DUSP16: variants seen among roughly 807,000 people sequenced by gnomAD.
DUSP16 encodes dual specificity phosphatase 16.
In DUSP16, 21 loss-of-function variants were observed where a neutral mutation model predicts 58.3. The ratio of observed to expected loss-of-function variants is 0.36; its 90% CI spans 0.26 to 0.52. DUSP16 has a LOEUF of 0.52. DUSP16 is among the 20% of genes least tolerant of loss of function. The pLI is 0.94. For missense variants in DUSP16, 726 were observed against 819.0 expected, an observed-to-expected ratio of 0.89 and a Z score of 1.39; for synonymous variants, 320 against 323.8, an observed-to-expected ratio of 0.99 and a Z score of 0.12.
chr12:12,528,636 A>G (rs1944338425), intron 1 of DUSP16, among the ~76,000 whole-genome samples: 1 of 152,340 alleles, frequency 6.6e-6, no homozygotes, highest in East Asian at 1.9e-4. Flanking sequence ...AATATGTGCC[A>G]GGCACTGTGA....
intron 4 of DUSP16, among the ~76,000 whole-genome samples, chr12:12,493,903 C>CA (rs1033851377): frequency 1.4e-4 from 22 of 152,264 alleles, no homozygotes; most frequent in African/African-American, 5.1e-4. Flanking sequence ...ATTATGCTTC[C>CA]TATCAAGTTT....
chr12:12,520,141 T>C, intron 2 of DUSP16, 141 bp from the exon 3 acceptor site: 1 of 897,150 alleles, frequency 1.1e-6, no homozygotes, highest in Non-Finnish European at 1.7e-6. Flanking sequence ...AAATGAGATG[T>C]AGTCAATTTA....
Position 12,531,761 on chromosome 12 carries a change from C to T in DUSP16, c.-365-10298G>A, listed in dbSNP as rs532347661. The stretch of plus-strand genomic sequence containing the variant: ...TGGCATGGGCCTGTAATCCCGGCTA[C>T]TCGGGAGGCTGAGGCAGGAGAATCG... On this transcript the variant is annotated intron_variant, in intron 1 of 6. Transcript: ENST00000298573. Among the ~76,000 whole-genome samples, 4 of 152,166 alleles carry T rather than the reference C, an allele frequency of 2.6e-5. No homozygotes were observed. In the East Asian group the frequency reaches 7.7e-4, roughly 29 times the overall value.
intron 1 of DUSP16, among the ~76,000 whole-genome samples, chr12:12,556,991 T>C (rs1284663084): frequency 6.6e-6 from 1 of 152,170 alleles, no homozygotes; most frequent in Non-Finnish European, 1.5e-5. Flanking sequence ...TATGACACTA[T>C]GGTGATTATT....
chr12:12,498,782 GAATAAA>G (rs1206319180), intron 4 of DUSP16, among the ~76,000 whole-genome samples: 2 of 152,108 alleles, frequency 1.3e-5, no homozygotes, highest in Non-Finnish European at 2.9e-5. Context: ...CATCCTTGCA[GAATAAA>G]AATAAAAGTC....
chr12:12,540,396 C>A (rs1308146091), intron 1 of DUSP16, among the ~76,000 whole-genome samples: 1 of 152,086 alleles, frequency 6.6e-6, no homozygotes, highest in South Asian at 2.1e-4. Context: ...CAGGAGTTTT[C>A]GTAACATATT....
rs555317556 is a variant in DUSP16, at chr12:12,473,347, G to A, written c.*3486C>T. On this transcript the variant is annotated 3_prime_UTR_variant, in exon 7 of 7. Coordinates refer to ENST00000298573, the MANE Select transcript of DUSP16 (RefSeq NM_030640.3). Reference sequence around the variant, plus strand: ...AGTCCTCCAACAATAGCCTGCTGAGGCTGGTCATGAAGGGGCTCCGAGCAC... The same window carrying A: ...AGTCCTCCAACAATAGCCTGCTGAGACTGGTCATGAAGGGGCTCCGAGCAC... 6.6e-6 allele frequency among the ~76,000 whole-genome samples: 1 copy of A among 152,266 alleles called. No homozygotes were observed. The highest frequency in any genetic ancestry group is 2.1e-4 in the South Asian group (1 of 4,830).
rs145556584 is a variant in DUSP16, at chr12:12,513,506, G to A, written c.367+6356C>T. Among the ~76,000 whole-genome samples, 579 of 152,266 alleles carry A rather than the reference G, an allele frequency of 3.8e-3. 2 individuals are homozygous for A. Among genetic ancestry groups the A allele is most frequent in the Non-Finnish European group, 5.7e-3 (390 of 68,034 alleles). On this transcript the variant is annotated intron_variant, in intron 3 of 6. Coordinates refer to ENST00000298573, the MANE Select transcript of DUSP16 (RefSeq NM_030640.3). The stretch of plus-strand genomic sequence containing the variant: ...GACTCTGGAATTACTTGTGGATGTG[G>A]GCCTTGGGCAGCAAGAGCTTGGGAG...
At chr12:12,550,670 T>A (rs934126274) in intron 1 of DUSP16, among the ~76,000 whole-genome samples, 3 of 152,002 alleles carry the variant, frequency 2.0e-5, no homozygotes, top group Non-Finnish European at 4.4e-5. Flanking sequence ...TGAGAACACA[T>A]GGACACTGGG....
intron 4 of DUSP16, among the ~76,000 whole-genome samples, chr12:12,488,534 A>G (rs1371181647): frequency 6.6e-6 from 1 of 152,172 alleles, no homozygotes; most frequent in African/African-American, 2.4e-5. Context: ...AAGCCCACAC[A>G]AACCCGCTTC....
chr12:12,478,308 G>C (rs1198334396), intron 6 of DUSP16, among the ~76,000 whole-genome samples: 3 of 151,650 alleles, frequency 2.0e-5, no homozygotes, highest in African/African-American at 7.3e-5. Flanking sequence ...GCTGATAAGA[G>C]ATGGTATGGG....
At chr12:12,550,948 A>G (rs913687902) in intron 1 of DUSP16, among the ~76,000 whole-genome samples, 2 of 152,172 alleles carry the variant, frequency 1.3e-5, no homozygotes, top group East Asian at 3.8e-4. Flanking sequence ...AAAAGGTATT[A>G]ATTTTTAAAA....
intron 1 of DUSP16, among the ~76,000 whole-genome samples, chr12:12,561,390 T>C (rs1944900622): frequency 6.6e-6 from 1 of 152,230 alleles, no homozygotes; most frequent in African/African-American, 2.4e-5. Context: ...TCATTATTGG[T>C]ATTCTTTAGG....
At chr12:12,541,227 G>C (rs1011843886) in intron 1 of DUSP16, among the ~76,000 whole-genome samples, 1 of 151,952 alleles carries the variant, frequency 6.6e-6, no homozygotes, top group Non-Finnish European at 1.5e-5. Context: ...CCAAAGTCCT[G>C]GGATTATGGG....
chr12:12,544,442 G>A (rs1213411271), intron 1 of DUSP16, among the ~76,000 whole-genome samples: 1 of 152,134 alleles, frequency 6.6e-6, no homozygotes, highest in Non-Finnish European at 1.5e-5. Flanking sequence ...GTCTTTTGGT[G>A]AGCATAAGTA....
chr12:12,561,671 A>T (rs1944905917), intron 1 of DUSP16, among the ~76,000 whole-genome samples: 1 of 152,194 alleles, frequency 6.6e-6, no homozygotes, highest in Non-Finnish European at 1.5e-5. Flanking sequence ...GATAATGGGA[A>T]CAGTCAGGCC....
chr12:12,553,694 C>T (rs952395737), intron 1 of DUSP16, among the ~76,000 whole-genome samples: 8 of 152,086 alleles, frequency 5.3e-5, no homozygotes, highest in Non-Finnish European at 8.8e-5. Context: ...AGGTGTGCAC[C>T]ATCACACCCA....
intron 3 of DUSP16, among the ~76,000 whole-genome samples, chr12:12,505,483 G>A (rs1403046043): frequency 6.6e-6 from 1 of 152,226 alleles, no homozygotes; most frequent in African/African-American, 2.4e-5. Context: ...CAGATGAACT[G>A]GTTGAAATGT....
Position 12,541,807 on chromosome 12 carries a change from C to CATAT in DUSP16, c.-366+20306_-366+20309dup, listed in dbSNP as rs1944563626. On this transcript the variant is annotated intron_variant, in intron 1 of 6. Transcript: ENST00000298573. Reference sequence around the variant, plus strand: ...TGTATGCACATGTAACAAACCTGCACATATACCCCAAATCTAAAATAATTT... The same window carrying CATAT: ...TGTATGCACATGTAACAAACCTGCACATATATATACCCCAAATCTAAAATAATTT... Among the ~76,000 whole-genome samples, 3 of 143,662 alleles carry CATAT rather than the reference C, an allele frequency of 2.1e-5. No individual in the cohort carries two copies. In the Admixed American group the frequency reaches 2.1e-4, roughly 10 times the overall value. The allele number at this position is 143,662 out of a possible 152,430, so 94.2% of individuals were successfully genotyped here.
Sources: allele counts gnomAD v4.1 joint callset (sites outside exome capture counted in the v4.1 genomes callset), GRCh38; gene constraint gnomAD v4.1.1; transcripts MANE v1.5; gene names NCBI Gene and HGNC (gene_info 2026-07-23, HGNC 2026-07-21).